Variants in JAKMIP3 observed in about 807,000 individuals in gnomAD.
JAKMIP3 encodes Janus kinase and microtubule interacting protein 3.
A neutral mutation model predicts 118.5 loss-of-function variants in JAKMIP3; 58 were observed. The ratio of observed to expected loss-of-function variants is 0.49; its 90% confidence interval spans 0.40 to 0.61. The LOEUF (loss-of-function observed/expected upper bound fraction) is 0.61. Among genes scored for constraint, JAKMIP3 ranks in the 20% least tolerant of loss-of-function variants. The probability of loss-of-function intolerance (pLI) is 0.00; values close to 1 mark genes in which losing one functional copy is unlikely to be tolerated. For missense variants in JAKMIP3, 950 were observed against 1,109.0 expected (o/e 0.86, Z 2.04); for synonymous variants, 486 against 451.2 (o/e 1.08, Z -0.98).
At position 132,117,374 on chromosome 10, in the gene JAKMIP3, A is replaced by G; in HGVS notation, c.433A>G (p.Lys145Glu). The G allele has an allele frequency of 1.2e-6, 2 of 1,613,942 alleles. No homozygotes were observed. Among genetic ancestry groups the G allele is most frequent in the Non-Finnish European group, 1.7e-6 (2 of 1,179,878 alleles). Residue 145 changes from lysine to glutamate, a missense_variant, in exon 3 of 24, where the codon AAG becomes GAG. Lys to Glu is a moderately conservative substitution (Grantham distance 56). Transcript: ENST00000684848. This position sits in a 1 kb window ranked among gnomAD's most constrained non-coding sequence, Gnocchi z 8.6. ...LLSEAKEEAKKGFEVEKVKMQ... is the reference protein window; with the variant it reads ...LLSEAKEEAKEGFEVEKVKMQ... ...GTCCGAGGCCAAGGAGGAGGCCAAG[A>G]AGGGGTTCGAGGTGGAGAAGGTCAA...
chr10:132,173,545 C>T (rs1420417138), intron 23 of JAKMIP3, among the ~76,000 whole-genome samples: 10 of 152,126 alleles, frequency 6.6e-5, no homozygotes, highest in Non-Finnish European at 1.5e-5. Flanking sequence ...GGGGTCTCTT[C>T]TTACCCACCC....
rs146262245 is a variant in JAKMIP3, at chr10:132,176,683, T to G, written c.*1104-5674T>G. ...AAATCTTTGTTAACGGGCATTTTTT[T>G]GGGTGTTTGTGCTTGGAATCACTCT... On this transcript the variant is annotated intron_variant, in intron 23 of 23. Coordinates refer to ENST00000684848, the MANE Select transcript of JAKMIP3 (RefSeq NM_001323087.2). 4.7e-3 allele frequency among the ~76,000 whole-genome samples: 723 copies of G among 152,288 alleles called. 5 individuals carry two copies. Among genetic ancestry groups the G allele is most frequent in the African/African-American group, 0.017 (686 of 41,562 alleles).
At chr10:132,082,493 C>A (rs1416054594) in intron 1 of JAKMIP3, among the ~76,000 whole-genome samples, 1 of 152,162 alleles carries the variant, frequency 6.6e-6, no homozygotes, top group African/African-American at 2.4e-5. Context: ...GTTTTCCATT[C>A]CCAAGTTACT....
chr10:132,135,057 A>C lies in JAKMIP3; in HGVS notation c.866A>C (p.Glu289Ala), dbSNP rs375632294. The change falls in exon 5 of 24, where the codon GAA becomes GCA. Residue 289 changes from glutamate (E) to alanine (A), a missense_variant. Glu to Ala is a moderately radical substitution (Grantham distance 107). Coordinates refer to ENST00000684848, the MANE Select transcript of JAKMIP3 (RefSeq NM_001323087.2). ...TTGTTTTAGGAACAGCAGTTGGATG[A>C]AAAAGATGCCCGGCGCTTCCAGCTT... ...HSGSPEQQLDEKDARRFQLKI... is the reference protein window; with the variant it reads ...HSGSPEQQLDAKDARRFQLKI... The C allele has an allele frequency of 1.9e-6, 3 of 1,613,330 alleles. No homozygotes were observed. In the African/African-American group the frequency reaches 4.0e-5, roughly 22 times the overall value.
chr10:132,061,205 CCTGCCGTGACGGCGCACACAT>C (rs1430010011), upstream of JAKMIP3, among the ~76,000 whole-genome samples: 3 of 118,432 alleles, frequency 2.5e-5, no homozygotes, highest in Admixed American at 9.1e-5. Flanking sequence ...CACACACACA[CCTGCCGTGACGGCGCACACAT>C]ACACCTGCCG....
At chr10:132,039,000 G>A (rs983314604) in intron 1 of JAKMIP3, among the ~76,000 whole-genome samples, 28 of 152,272 alleles carry the variant, frequency 1.8e-4, no homozygotes, top group African/African-American at 6.5e-4. Context: ...GGAGCCGCTC[G>A]TGAGGCCACA....
intron 16 of JAKMIP3, among the ~76,000 whole-genome samples, chr10:132,150,702 CCA>C (rs2055964554): frequency 6.6e-6 from 1 of 151,832 alleles, no homozygotes; most frequent in South Asian, 2.1e-4. Context: ...CCTCCATAAT[CCA>C]TCTATCCGTC....
chr10:132,152,611 G>A (rs2056409589), intron 16 of JAKMIP3, among the ~76,000 whole-genome samples: 1 of 152,198 alleles, frequency 6.6e-6, no homozygotes, highest in South Asian at 2.1e-4. Flanking sequence ...ACACAGAAGG[G>A]GACAGAGGCT....
chr10:132,100,596 G>A (rs1475176928), intron 1 of JAKMIP3, among the ~76,000 whole-genome samples: 3 of 148,986 alleles, frequency 2.0e-5, no homozygotes, highest in Admixed American at 6.6e-5. Context: ...CCCCAGGGCC[G>A]GAGCGCAGGC....
chr10:132,097,416 G>C (rs1164937972), intron 1 of JAKMIP3, among the ~76,000 whole-genome samples: 2 of 152,140 alleles, frequency 1.3e-5, no homozygotes, highest in Admixed American at 1.3e-4. Flanking sequence ...ATGGTAACCT[G>C]CGTGGCCCTC....
At chr10:132,120,979 G>C (rs1301963309) in intron 3 of JAKMIP3, among the ~76,000 whole-genome samples, 1 of 152,252 alleles carries the variant, frequency 6.6e-6, no homozygotes, top group East Asian at 1.9e-4. Context: ...GCCTGGGCAT[G>C]AGAGGCAGCT....
chr10:132,057,742 G>A (rs1037559814), intron 1 of JAKMIP3, among the ~76,000 whole-genome samples: 3 of 152,302 alleles, frequency 2.0e-5, no homozygotes, highest in East Asian at 1.9e-4. Context: ...GGGCTGAAAC[G>A]AAGGCAGCTG....
At chr10:132,130,656 G>T (rs939062417) in intron 3 of JAKMIP3, among the ~76,000 whole-genome samples, 2 of 152,198 alleles carry the variant, frequency 1.3e-5, no homozygotes, top group African/African-American at 4.8e-5. Flanking sequence ...CCTGTCTGTG[G>T]CACTGAGGCG....
intron 11 of JAKMIP3, among the ~76,000 whole-genome samples, chr10:132,142,512 C>A (rs1263148627): frequency 1.3e-5 from 2 of 152,246 alleles, no homozygotes; most frequent in African/African-American, 4.8e-5. Flanking sequence ...CTCCCCCGGC[C>A]TCCCCACTGG....
At chr10:132,176,130 C>A (rs77967119) in intron 23 of JAKMIP3, among the ~76,000 whole-genome samples, 2,067 of 152,316 alleles carry the variant, frequency 0.014, 44 homozygotes, top group African/African-American at 0.048. Context: ...GGATCTGCCC[C>A]CCAGCACCTG....
chr10:132,057,808 C>T (rs1035783045), intron 1 of JAKMIP3, among the ~76,000 whole-genome samples: 19 of 152,200 alleles, frequency 1.2e-4, no homozygotes, highest in African/African-American at 4.1e-4. Context: ...TCCTGGACAG[C>T]GCCTCCCTCC....
At chr10:132,126,751 GTT>G (rs35100369) in intron 3 of JAKMIP3, among the ~76,000 whole-genome samples, 1 of 151,944 alleles carries the variant, frequency 6.6e-6, no homozygotes, top group Non-Finnish European at 1.5e-5. Context: ...ATGATCATGT[GTT>G]TTTTTCTTTA....
At chr10:132,123,718 G>C (rs150450950) in intron 3 of JAKMIP3, among the ~76,000 whole-genome samples, 3 of 152,334 alleles carry the variant, frequency 2.0e-5, no homozygotes, top group African/African-American at 7.2e-5. Context: ...AGCAGCAGCA[G>C]CTTCCTTTGC....
chr10:132,138,881 G>A (rs2052480520), intron 9 of JAKMIP3, among the ~76,000 whole-genome samples: 1 of 152,216 alleles, frequency 6.6e-6, no homozygotes, highest in African/African-American at 2.4e-5. Flanking sequence ...TGCAGGCTGT[G>A]GCAGCCTCAT....
Sources: allele counts gnomAD v4.1 joint callset (sites outside exome capture counted in the v4.1 genomes callset), GRCh38; gene constraint gnomAD v4.1.1; non-coding constraint Gnocchi (gnomAD v3.1); transcripts MANE v1.5; gene names NCBI Gene and HGNC (gene_info 2026-07-23, HGNC 2026-07-21).